JAKMIP2: variants seen among roughly 807,000 people sequenced by gnomAD.
The protein encoded by JAKMIP2 is janus kinase and microtubule-interacting protein 2.
In JAKMIP2, 25 loss-of-function variants were observed where a neutral mutation model predicts 115.0. The observed-to-expected ratio is 0.22, with a 90% CI of 0.16 to 0.30. The LOEUF (loss-of-function observed/expected upper bound fraction) is 0.30, where lower values mean the gene tolerates loss of function less well. Among genes scored for constraint, JAKMIP2 ranks in the 10% least tolerant of loss-of-function variants. JAKMIP2 has a pLI of 1.00. For missense variants in JAKMIP2, 642 were observed against 957.6 expected (o/e 0.67, Z 4.35); for synonymous variants, 334 against 343.6 (o/e 0.97, Z 0.31).
At chr5:147,772,242 T>G (rs1238740730) in intron 1 of JAKMIP2, among the ~76,000 whole-genome samples, 1 of 152,160 alleles carries the variant, frequency 6.6e-6, no homozygotes, top group African/African-American at 2.4e-5. Flanking sequence ...CATTTGAAGC[T>G]GCAAATCATA....
chr5:147,680,332 A>C (rs1331038478), intron 1 of JAKMIP2, among the ~76,000 whole-genome samples: 1 of 152,168 alleles, frequency 6.6e-6, no homozygotes, highest in African/African-American at 2.4e-5. Flanking sequence ...GCTTCTGGGG[A>C]AATACGACCT....
At position 147,632,935 on chromosome 5, in the gene JAKMIP2, C is replaced by G. The variant is rs1757433266; in HGVS notation, c.1678-157G>C. 8 of 558,660 alleles carry G rather than the reference C, an allele frequency of 1.4e-5. No homozygotes were observed. In the East Asian group the frequency reaches 2.4e-4, roughly 17 times the overall value. The allele number at this position is 558,660 out of a possible 1,614,324, so 34.6% of individuals were successfully genotyped here. A position where few individuals can be genotyped will look rare whatever the true frequency, so the allele number is the denominator to read the frequency against. On this transcript the variant is annotated intron_variant, in intron 12 of 21. Coordinates refer to ENST00000616793, the MANE Select transcript of JAKMIP2 (RefSeq NM_001270941.2). ...GAATAAAATAAGTATTTGGCTTTGGCTTTCCTTCTAGTTATCCTTCGGTTG... is the reference window on the plus strand; with the variant it reads ...GAATAAAATAAGTATTTGGCTTTGGGTTTCCTTCTAGTTATCCTTCGGTTG...
chr5:147,765,888 T>C (rs1306121402), intron 1 of JAKMIP2, among the ~76,000 whole-genome samples: 2 of 152,140 alleles, frequency 1.3e-5, no homozygotes, highest in East Asian at 3.9e-4. Flanking sequence ...CATCTTTGAG[T>C]TCATTGCCAT....
At chr5:147,653,589 T>C (rs561304689) in intron 3 of JAKMIP2, among the ~76,000 whole-genome samples, 1 of 152,308 alleles carries the variant, frequency 6.6e-6, no homozygotes, top group East Asian at 1.9e-4. Context: ...TTGTTTAAGT[T>C]CCTTATAGAT....
At chr5:147,630,292 G>C (rs1315402535) in intron 14 of JAKMIP2, among the ~76,000 whole-genome samples, 1 of 152,074 alleles carries the variant, frequency 6.6e-6, no homozygotes, top group African/African-American at 2.4e-5. Flanking sequence ...TTTTTACCCT[G>C]TTCCTTGAGT....
At chr5:147,621,074 A>G (rs1363686231) in intron 17 of JAKMIP2, among the ~76,000 whole-genome samples, 2 of 152,254 alleles carry the variant, frequency 1.3e-5, no homozygotes, top group African/African-American at 4.8e-5. Flanking sequence ...ATGATAATAT[A>G]TTTTTGTAAG....
intron 1 of JAKMIP2, among the ~76,000 whole-genome samples, chr5:147,709,801 A>G (rs1248089212): frequency 6.6e-6 from 1 of 152,298 alleles, no homozygotes; most frequent in South Asian, 2.1e-4. Context: ...GTGAGCCAAG[A>G]TCATGACACT....
At chr5:147,759,231 G>T (rs1164275904) in intron 1 of JAKMIP2, among the ~76,000 whole-genome samples, 1 of 149,098 alleles carries the variant, frequency 6.7e-6, no homozygotes, top group African/African-American at 2.5e-5. Flanking sequence ...AAACAGAAAA[G>T]AAAAAAAGGA....
chr5:147,721,502 C>T (rs879445376), intron 1 of JAKMIP2, among the ~76,000 whole-genome samples: 14 of 152,120 alleles, frequency 9.2e-5, no homozygotes, highest in African/African-American at 2.4e-4. Context: ...ATCAGCGAGA[C>T]TCCGTGGGCG....
At chr5:147,702,812 T>C (rs1372500597) in intron 1 of JAKMIP2, among the ~76,000 whole-genome samples, 1 of 152,112 alleles carries the variant, frequency 6.6e-6, no homozygotes, top group Non-Finnish European at 1.5e-5. Flanking sequence ...TTTCCATTTA[T>C]ATGAGATAAA....
intron 3 of JAKMIP2, among the ~76,000 whole-genome samples, chr5:147,652,433 A>G (rs1413680044): frequency 6.6e-6 from 1 of 152,156 alleles, no homozygotes; most frequent in Non-Finnish European, 1.5e-5. Context: ...ATCTCAAAAT[A>G]CTGAAAATCA....
intron 1 of JAKMIP2, among the ~76,000 whole-genome samples, chr5:147,774,378 C>T (rs1755476420): frequency 6.6e-6 from 1 of 152,112 alleles, no homozygotes; most frequent in East Asian, 1.9e-4. Flanking sequence ...TTGCCAATGT[C>T]AATTAGCAGA....
intron 1 of JAKMIP2, among the ~76,000 whole-genome samples, chr5:147,747,129 G>A (rs552615678): frequency 6.6e-6 from 1 of 152,202 alleles, no homozygotes; most frequent in East Asian, 1.9e-4. Flanking sequence ...TGAGTCATGA[G>A]GAGCTTTTTT....
chr5:147,700,993 A>G lies in JAKMIP2; in HGVS notation c.-148-29039T>C, dbSNP rs576103165. ...TATGTATGTGGTTGGAGGAAGGTAT[A>G]ATAATAAAGAAAAGTATGGGAGCTG... On this transcript the variant is annotated intron_variant, in intron 1 of 21. Coordinates refer to ENST00000616793, the MANE Select transcript of JAKMIP2 (RefSeq NM_001270941.2). 2.0e-5 allele frequency among the ~76,000 whole-genome samples: 3 copies of G among 152,272 alleles called. No individual in the cohort carries two copies. The East Asian group carries it at 5.8e-4, about 29-fold the overall frequency.
chr5:147,748,794 G>C (rs1157917376), intron 1 of JAKMIP2, among the ~76,000 whole-genome samples: 1 of 152,088 alleles, frequency 6.6e-6, no homozygotes, highest in Non-Finnish European at 1.5e-5. Context: ...TAGCACACTT[G>C]GTCTGACCAA....
intron 21 of JAKMIP2, chr5:147,594,494 C>T (rs1353944103): frequency 2.2e-6 from 1 of 444,468 alleles, no homozygotes; most frequent in African/African-American, 2.0e-5. Flanking sequence ...GCCCCCATAC[C>T]CAGCTAGTTT....
chr5:147,640,364 A>T (rs1476844508), intron 9 of JAKMIP2, among the ~76,000 whole-genome samples: 3 of 152,152 alleles, frequency 2.0e-5, no homozygotes, highest in Non-Finnish European at 4.4e-5. Flanking sequence ...TCCACAGAAC[A>T]CACTTCACTC....
At chr5:147,741,028 G>C (rs1374721479) in intron 1 of JAKMIP2, among the ~76,000 whole-genome samples, 1 of 152,066 alleles carries the variant, frequency 6.6e-6, no homozygotes, top group East Asian at 1.9e-4. Flanking sequence ...CCAGCTTCTT[G>C]GGATGAAGCC....
Position 147,752,447 on chromosome 5 carries a change from G to A in JAKMIP2, c.-149+30009C>T, listed in dbSNP as rs777520052. On this transcript the variant is annotated intron_variant, in intron 1 of 21. Transcript: ENST00000616793. ...ACCCACAGGCCAAATCCAGCCTGCA[G>A]CCTACTTTTGTAAATAGTTTGACTG... Among the ~76,000 whole-genome samples, 5 of 152,166 alleles carry A rather than the reference G, an allele frequency of 3.3e-5. No individual in the cohort carries two copies. In the East Asian group the frequency reaches 9.6e-4, roughly 29 times the overall value.
Sources: gnomAD v4.1 joint callset for allele counts (sites outside exome capture counted in the v4.1 genomes callset) on GRCh38, gnomAD v4.1.1 for gene constraint, MANE v1.5 for transcripts, NCBI Gene and HGNC (gene_info 2026-07-23, HGNC 2026-07-21) for gene names.